INPP4A: variants seen among roughly 807,000 people sequenced by gnomAD.
INPP4A encodes the protein inositol polyphosphate-4-phosphatase type I A, also known as inositol polyphosphate-4-phosphatase, type I, 107kD.
In INPP4A, 33 loss-of-function variants were observed where a neutral mutation model predicts 119.8. That is an observed-to-expected ratio of 0.28 (90% CI 0.21 to 0.37). The LOEUF is 0.37. INPP4A is among the 10% of genes least tolerant of loss of function. The pLI is 1.00. For synonymous variants in INPP4A, 496 were observed against 500.7 expected, an observed-to-expected ratio of 0.99 and a Z score of 0.12; for missense variants, 956 against 1,289.9, an observed-to-expected ratio of 0.74 and a Z score of 3.97.
At chr2:98,545,819 A>G (rs1692375028) in intron 11 of INPP4A, 150 bp from the exon 12 acceptor site, 3 of 561,722 alleles carry the variant, frequency 5.3e-6, no homozygotes, top group African/African-American at 1.9e-5. Flanking sequence ...TGGAAATGAA[A>G]TGTGCTCATG....
At chr2:98,519,788 A>G in intron 2 of INPP4A, 158 bp from the exon 3 acceptor site, 1 of 460,732 alleles carries the variant, frequency 2.2e-6, no homozygotes, top group Non-Finnish European at 3.9e-6. Flanking sequence ...AGTGACCAGA[A>G]GGGGCAGGGA....
intron 1 of INPP4A, among the ~76,000 whole-genome samples, chr2:98,467,285 A>C (rs1472329521): frequency 2.6e-5 from 4 of 152,168 alleles, no homozygotes; most frequent in Non-Finnish European, 5.9e-5. Flanking sequence ...AATACTTCCC[A>C]TTAGGCCCCA....
intron 1 of INPP4A, among the ~76,000 whole-genome samples, chr2:98,508,245 G>C (rs1046170199): frequency 6.6e-6 from 1 of 152,216 alleles, no homozygotes; most frequent in African/African-American, 2.4e-5. Flanking sequence ...GGCCAGGCCT[G>C]ACAGCTTTGT....
At chr2:98,470,113 C>T (rs1369841674) in intron 1 of INPP4A, among the ~76,000 whole-genome samples, 2 of 152,240 alleles carry the variant, frequency 1.3e-5, no homozygotes, top group African/African-American at 2.4e-5. Flanking sequence ...GGCCACTTCT[C>T]AGCACAGTGG....
intron 4 of INPP4A, among the ~76,000 whole-genome samples, chr2:98,529,389 A>G (rs1271850149): frequency 6.6e-6 from 1 of 152,148 alleles, no homozygotes; most frequent in Admixed American, 6.5e-5. Context: ...TGGATTGATG[A>G]GAATGTTCAG....
chr2:98,544,084 C>G (rs762043396), intron 11 of INPP4A, 77 bp downstream of exon 11: 26 of 1,336,230 alleles, frequency 1.9e-5, no homozygotes, highest in Non-Finnish European at 2.6e-5. Context: ...CACTCAGTCA[C>G]TCCCTCTGCT....
At chr2:98,451,141 C>G (rs1204600557) in intron 1 of INPP4A, among the ~76,000 whole-genome samples, 1 of 152,200 alleles carries the variant, frequency 6.6e-6, no homozygotes, top group African/African-American at 2.4e-5. Flanking sequence ...GTGCATGTCT[C>G]TTTCTGGTCT....
In INPP4A at chr2:98,555,635, A is replaced by C; in HGVS notation, c.1649A>C (p.His550Pro). 1 of 1,613,998 alleles carries C rather than the reference A, an allele frequency of 6.2e-7. No individual in the cohort carries two copies. The highest frequency in any genetic ancestry group is 8.5e-7 in the Non-Finnish European group (1 of 1,179,886). Residue 550 changes from histidine (H) to proline (P), a missense_variant, in exon 16 of 25, where the codon CAT becomes CCT. His to Pro is a moderately conservative substitution (Grantham distance 77, BLOSUM62 -2). Coordinates refer to ENST00000409851, the MANE Select transcript of INPP4A (RefSeq NM_001134225.2). ...VDKLLQKERL[H>P]GEGCEDVFPC... is the part of the protein sequence containing the mutation. ...AAGCTGCTGCAGAAGGAGCGGCTGC[A>C]TGGCGAGGGCTGTGAGGATGTCTTC...
rs763015602 is a variant in INPP4A, at chr2:98,569,216, C to T, written c.2518+548C>T. The T allele has an allele frequency of 1.5e-4, 23 of 155,438 alleles. No individual in the cohort carries two copies. Among genetic ancestry groups the T allele is most frequent in the Non-Finnish European group, 2.3e-4 (16 of 69,982 alleles). 9.6% of individuals were successfully genotyped at this position (155,438 alleles called of 1,614,324 possible). ...GAACTAAGGGAGGAACCGAGAGCTG[C>T]ACAGCACTGTCTACGAGAATTCCCT... On this transcript the variant is annotated intron_variant, in intron 22 of 24. Coordinates refer to ENST00000409851, the MANE Select transcript of INPP4A (RefSeq NM_001134225.2). This position sits in a 1 kb window ranked among gnomAD's most constrained non-coding sequence, Gnocchi z 5.1.
intron 1 of INPP4A, among the ~76,000 whole-genome samples, chr2:98,490,662 T>C (rs1680534517): frequency 1.3e-5 from 2 of 152,134 alleles, no homozygotes; most frequent in Admixed American, 1.3e-4. Context: ...CCTCTCTTCT[T>C]CTGTTTGAAA....
chr2:98,513,858 C>T (rs1470618556), intron 1 of INPP4A, among the ~76,000 whole-genome samples: 1 of 152,246 alleles, frequency 6.6e-6, no homozygotes, highest in African/African-American at 2.4e-5. Context: ...TTACCCTGTG[C>T]CCATCCCCAT....
intron 18 of INPP4A, 83 bp downstream of exon 18, chr2:98,563,720 C>T: frequency 1.4e-6 from 2 of 1,414,768 alleles, no homozygotes; most frequent in Admixed American, 4.4e-5. Flanking sequence ...TTCCCTCTCA[C>T]TTCACTTGTA....
In INPP4A at chr2:98,525,299, C is replaced by T. The variant is rs116747082; in HGVS notation, c.151+4568C>T. On this transcript the variant is annotated intron_variant, in intron 4 of 24. Transcript: ENST00000409851. ...ATGCTTGGAATCTCTCCTGCCTCTT[C>T]TTCCATTGTTATATCTTTATGATTC... Among the ~76,000 whole-genome samples the T allele has an allele frequency of 3.5e-3, 526 of 152,266 alleles. 8 individuals are homozygous for T. Among genetic ancestry groups the T allele is most frequent in the African/African-American group, 0.012 (486 of 41,536 alleles).
chr2:98,576,079 T>G (rs1449711132), intron 23 of INPP4A, among the ~76,000 whole-genome samples: 1 of 152,226 alleles, frequency 6.6e-6, no homozygotes, highest in Non-Finnish European at 1.5e-5. Context: ...ATTGCCACAC[T>G]GAAAAGTATG....
At chr2:98,460,100 C>CGT (rs3066275) in intron 1 of INPP4A, among the ~76,000 whole-genome samples, 5,331 of 147,054 alleles carry the variant, frequency 0.036, 231 homozygotes, top group Admixed American at 0.12. Context: ...GTTTGGTCAT[C>CGT]GTGTGTGTGT....
At chr2:98,533,277 G>A (rs1689593836) in intron 4 of INPP4A, 100 bp from the exon 5 acceptor site, 1 of 715,834 alleles carries the variant, frequency 1.4e-6, no homozygotes, top group Non-Finnish European at 2.5e-6. Context: ...CTCTTTGAAT[G>A]TCATTTACTC....
intron 1 of INPP4A, among the ~76,000 whole-genome samples, chr2:98,458,737 G>A (rs1386278108): frequency 1.3e-5 from 2 of 152,220 alleles, no homozygotes; most frequent in African/African-American, 2.4e-5. Flanking sequence ...GAAACAAAAG[G>A]TGTTGGGACC....
At chr2:98,452,113 C>G (rs931024625) in intron 1 of INPP4A, among the ~76,000 whole-genome samples, 3 of 152,200 alleles carry the variant, frequency 2.0e-5, no homozygotes, top group African/African-American at 7.2e-5. Flanking sequence ...CTTCCTTGTT[C>G]CTGTCCAGCA....
At chr2:98,452,125 G>C (rs1366673259) in intron 1 of INPP4A, among the ~76,000 whole-genome samples, 1 of 152,208 alleles carries the variant, frequency 6.6e-6, no homozygotes, top group Non-Finnish European at 1.5e-5. Flanking sequence ...TGTCCAGCAG[G>C]AGCAGGGAAG....
Sources: allele counts gnomAD v4.1 joint callset (sites outside exome capture counted in the v4.1 genomes callset), GRCh38; gene constraint gnomAD v4.1.1; non-coding constraint Gnocchi (gnomAD v3.1); transcripts MANE v1.5; gene names NCBI Gene and HGNC (gene_info 2026-07-23, HGNC 2026-07-21).